Variants in SLC35H1 observed in about 807,000 individuals in gnomAD.
SLC35H1 encodes the protein solute carrier family 35 member H1.
chr20:46,355,962 C>A, the SLC35H1 span: 5 of 1,579,874 alleles, frequency 3.2e-6, no homozygotes, highest in Admixed American at 7.4e-5. The surrounding 1 kb of genome is among the most constrained non-coding windows in gnomAD (Gnocchi z 4.8). Context: ...AATCACTGAG[C>A]GAAATGACCA....
At chr20:46,346,495 T>A in the SLC35H1 span, 1 of 152,114 alleles carries the variant, frequency 6.6e-6, no homozygotes, top group Non-Finnish European at 1.5e-5. Flanking sequence ...AAAACAAGCA[T>A]CTGGGCCGGG....
the SLC35H1 span, among the ~76,000 whole-genome samples, chr20:46,356,243 C>CT: frequency 6.6e-6 from 1 of 152,228 alleles, no homozygotes; most frequent in Non-Finnish European, 1.5e-5. Context: ...ACATAGGGCT[C>CT]TGCTGCGGCT....
the SLC35H1 span, among the ~76,000 whole-genome samples, chr20:46,360,244 T>G: frequency 6.6e-6 from 1 of 152,132 alleles, no homozygotes; most frequent in African/African-American, 2.4e-5. Flanking sequence ...ATAAGACGCC[T>G]ATGTACAATG....
At chr20:46,350,511 G>C in the SLC35H1 span, 2 of 1,602,000 alleles carry the variant, frequency 1.2e-6, no homozygotes, top group Non-Finnish European at 1.7e-6. Context: ...TCAAGGCCTT[G>C]GGGCCACCAT....
At chr20:46,354,934 GTGGAACA>G in the SLC35H1 span, 1 of 1,613,802 alleles carries the variant, frequency 6.2e-7, no homozygotes, top group South Asian at 1.1e-5. Flanking sequence ...GTGGCTGCAG[GTGGAACA>G]TGGTGTCGAT....
the SLC35H1 span, chr20:46,350,183 G>C: frequency 3.1e-5 from 14 of 457,998 alleles, no homozygotes; most frequent in African/African-American, 2.4e-4. Flanking sequence ...GCCCAGCTCT[G>C]GCCAGTCCCA....
the SLC35H1 span, chr20:46,350,510 T>TGG: frequency 6.2e-7 from 1 of 1,602,224 alleles, no homozygotes; most frequent in Non-Finnish European, 8.5e-7. Flanking sequence ...TTCAAGGCCT[T>TGG]GGGGCCACCA....
At chr20:46,347,385 G>C in the SLC35H1 span, 6 of 152,394 alleles carry the variant, frequency 3.9e-5, no homozygotes, top group Admixed American at 3.9e-4. Flanking sequence ...CCAGTGAACG[G>C]TCTTTTCTGT....
chr20:46,358,666 GCAGAGCCCCAGGCAGA>G, the SLC35H1 span: 1 of 1,552,112 alleles, frequency 6.4e-7, no homozygotes. Context: ...GGAACCATCA[GCAGAGCCCCAGGCAGA>G]GTCCTCACCT....
the SLC35H1 span, among the ~76,000 whole-genome samples, chr20:46,363,713 CT>C: frequency 2.0e-5 from 3 of 152,352 alleles, no homozygotes; most frequent in South Asian, 6.2e-4. Flanking sequence ...CCTGTTTCCT[CT>C]TTCGCCCCTA....
chr20:46,355,788 C>T, the SLC35H1 span: 110 of 1,613,980 alleles, frequency 6.8e-5, no homozygotes, highest in South Asian at 4.4e-4. This position sits in a 1 kb window ranked among gnomAD's most constrained non-coding sequence, Gnocchi z 4.8. Flanking sequence ...ACACAAGAGA[C>T]GCTGGGGCCT....
the SLC35H1 span, among the ~76,000 whole-genome samples, chr20:46,356,814 G>T: frequency 3.9e-5 from 6 of 152,230 alleles, no homozygotes; most frequent in African/African-American, 1.4e-4. Context: ...GCCCCCAAAG[G>T]TCGGGGGCTG....
chr20:46,358,842 C>A, the SLC35H1 span: 4 of 934,376 alleles, frequency 4.3e-6, no homozygotes, highest in South Asian at 4.2e-5. Context: ...CTGAAGGCTG[C>A]GTGACTCAGG....
chr20:46,354,006 C>CGG, the SLC35H1 span, among the ~76,000 whole-genome samples: 1 of 152,064 alleles, frequency 6.6e-6, no homozygotes, highest in East Asian at 1.9e-4. Context: ...GCATTACAGA[C>CGG]GGGACTCTGG....
At chr20:46,356,502 G>T in the SLC35H1 span, 1 of 1,508,750 alleles carries the variant, frequency 6.6e-7, no homozygotes, top group Non-Finnish European at 9.2e-7. Flanking sequence ...GCAGCCGGGT[G>T]TGCAGACACC....
chr20:46,359,733 T>A, the SLC35H1 span, among the ~76,000 whole-genome samples: 1 of 152,230 alleles, frequency 6.6e-6, no homozygotes, highest in Non-Finnish European at 1.5e-5. Flanking sequence ...TGTTATGTGA[T>A]GATACCTGCT....
At chr20:46,357,238 T>C in the SLC35H1 span, among the ~76,000 whole-genome samples, 1 of 152,156 alleles carries the variant, frequency 6.6e-6, no homozygotes, top group Admixed American at 6.5e-5. Context: ...GGCCCCGGCC[T>C]TGGGTTGGTC....
At chr20:46,350,638 C>T in the SLC35H1 span, 1,208 of 1,507,684 alleles carry the variant, frequency 8.0e-4, 3 homozygotes, top group Middle Eastern at 1.3e-3. Context: ...GGAGATGACC[C>T]CCACATCTTC....
At chr20:46,354,719 T>G in the SLC35H1 span, among the ~76,000 whole-genome samples, 2 of 152,184 alleles carry the variant, frequency 1.3e-5, no homozygotes, top group East Asian at 1.9e-4. Context: ...ATATGTGCTT[T>G]CTCTGTAGCG....
Sources: gnomAD v4.1 joint callset for allele counts (sites outside exome capture counted in the v4.1 genomes callset) on GRCh38, gnomAD v4.1.1 for gene constraint, Gnocchi (gnomAD v3.1) non-coding constraint, MANE v1.5 for transcripts, NCBI Gene and HGNC (gene_info 2026-07-23, HGNC 2026-07-21) for gene names.